Variants in RMST observed in about 807,000 individuals in gnomAD.
RMST encodes the protein long intergenic non-protein coding RNA 54.
chr12:97,468,897 A>G (rs1054853898), intron 5 of RMST, among the ~76,000 whole-genome samples: 2 of 151,960 alleles, frequency 1.3e-5, no homozygotes, highest in African/African-American at 4.8e-5. Flanking sequence ...TGTGCCAGAC[A>G]CTATTCTTGT....
intron 4 of RMST, among the ~76,000 whole-genome samples, chr12:97,464,567 T>C (rs1002536005): frequency 2.0e-5 from 3 of 152,212 alleles, no homozygotes; most frequent in Non-Finnish European, 4.4e-5. Context: ...AATGACTTTT[T>C]CATTGTGGCA....
At chr12:97,495,529 G>C (rs577141021) in intron 9 of RMST, among the ~76,000 whole-genome samples, 2 of 152,200 alleles carry the variant, frequency 1.3e-5, no homozygotes, top group African/African-American at 4.8e-5. Flanking sequence ...TGGAGGCACT[G>C]TCTTCAAGTC....
chr12:97,474,394 T>A (rs1874282225), intron 5 of RMST, among the ~76,000 whole-genome samples: 2 of 152,070 alleles, frequency 1.3e-5, no homozygotes, highest in African/African-American at 4.8e-5. Flanking sequence ...TGCTGTCTGC[T>A]CTGAGCTGTA....
intron 5 of RMST, chr12:97,483,404 G>C (rs949002940): frequency 2.6e-5 from 4 of 152,164 alleles, no homozygotes; most frequent in African/African-American, 7.2e-5. Context: ...CAGCAAGATG[G>C]ATTTACTAGT....
At chr12:97,466,091 G>A (rs1177672462) in intron 5 of RMST, among the ~76,000 whole-genome samples, 1 of 152,094 alleles carries the variant, frequency 6.6e-6, no homozygotes, top group Non-Finnish European at 1.5e-5. Context: ...ATGTCAAAAG[G>A]TCTCTTCTGG....
chr12:97,563,677 G>A lies in RMST; in HGVS notation n.1959-473G>A, dbSNP rs144754434. ...TGGAAGGATAAAATCTTGTTAATTC[G>A]TGATGTCACAATTCAAGTGTGCTTC... On this transcript the variant is annotated intron_variant and non_coding_transcript_variant, in intron 13 of 13. Coordinates refer to ENST00000640149, the Ensembl canonical transcript of RMST. The A allele has an allele frequency of 6.8e-5, 28 of 414,292 alleles. No homozygotes were observed. In the East Asian group the frequency reaches 8.7e-4, roughly 13 times the overall value. 25.7% of individuals were successfully genotyped at this position (414,292 alleles called of 1,614,324 possible).
intron 11 of RMST, among the ~76,000 whole-genome samples, chr12:97,544,096 A>G (rs1429594108): frequency 2.6e-5 from 4 of 152,072 alleles, no homozygotes; most frequent in African/African-American, 9.7e-5. Context: ...AGAGGAGACT[A>G]GAAGACTAAT....
intron 5 of RMST, among the ~76,000 whole-genome samples, chr12:97,479,247 T>G (rs1874932635): frequency 6.8e-6 from 1 of 147,020 alleles, no homozygotes. Flanking sequence ...TCAAGCAATC[T>G]TCCCACCTCA....
chr12:97,539,846 T>C (rs1231310193), intron 11 of RMST, among the ~76,000 whole-genome samples: 1 of 151,556 alleles, frequency 6.6e-6, no homozygotes, highest in Admixed American at 6.6e-5. Flanking sequence ...ATTTTAAGAA[T>C]AAATATAGCT....
At chr12:97,504,286 C>T (rs962862909) in intron 10 of RMST, among the ~76,000 whole-genome samples, 27 of 151,636 alleles carry the variant, frequency 1.8e-4, no homozygotes, top group East Asian at 5.9e-4. Context: ...CGCCTGTAGT[C>T]GCAGATACTT....
intron 10 of RMST, among the ~76,000 whole-genome samples, chr12:97,519,150 A>G (rs916276778): frequency 1.3e-5 from 2 of 152,164 alleles, no homozygotes; most frequent in Admixed American, 1.3e-4. Context: ...GTACATCTTC[A>G]TCACACATTT....
exon 9 of RMST, chr12:97,494,735 A>C (rs1286370111): frequency 6.6e-6 from 1 of 152,040 alleles, no homozygotes; most frequent in Non-Finnish European, 1.5e-5. Context: ...TTTATGCTCT[A>C]ACTTTGGATC....
At chr12:97,544,754 T>C (rs1294432439) in intron 11 of RMST, among the ~76,000 whole-genome samples, 1 of 152,090 alleles carries the variant, frequency 6.6e-6, no homozygotes. Context: ...TATCTCTTTT[T>C]CTCCTGAATT....
At chr12:97,466,022 T>C (rs1445040018) in intron 5 of RMST, among the ~76,000 whole-genome samples, 1 of 152,120 alleles carries the variant, frequency 6.6e-6, no homozygotes, top group African/African-American at 2.4e-5. Flanking sequence ...ATAAAAGTAA[T>C]ATTTATTTTA....
At chr12:97,477,815 T>C (rs1874735225) in intron 5 of RMST, among the ~76,000 whole-genome samples, 1 of 152,252 alleles carries the variant, frequency 6.6e-6, no homozygotes, top group African/African-American at 2.4e-5. Context: ...TGCTTAACTT[T>C]ATATAAAGCT....
intron 11 of RMST, among the ~76,000 whole-genome samples, chr12:97,560,167 A>G (rs142257159): frequency 9.6e-4 from 145 of 151,616 alleles, no homozygotes; most frequent in African/African-American, 3.4e-3. Flanking sequence ...CTGCAGAAAA[A>G]GAAGAAGAAG....
intron 10 of RMST, among the ~76,000 whole-genome samples, chr12:97,507,401 A>G (rs1162377631): frequency 6.6e-6 from 1 of 152,120 alleles, no homozygotes; most frequent in Non-Finnish European, 1.5e-5. Context: ...CCTCCAAAAT[A>G]ATGAGGTAAT....
At chr12:97,534,139 G>A (rs571953425) in intron 11 of RMST, among the ~76,000 whole-genome samples, 3 of 151,854 alleles carry the variant, frequency 2.0e-5, no homozygotes, top group Non-Finnish European at 3.0e-5. Flanking sequence ...ACCATAAATT[G>A]TAAACAAATA....
chr12:97,498,520 T>A (rs1877717673), intron 10 of RMST, among the ~76,000 whole-genome samples: 1 of 152,218 alleles, frequency 6.6e-6, no homozygotes, highest in Non-Finnish European at 1.5e-5. Flanking sequence ...TGATCTTTAA[T>A]ATTGTTGTTA....
Sources: gnomAD v4.1 joint callset for allele counts (sites outside exome capture counted in the v4.1 genomes callset) on GRCh38, gnomAD v4.1.1 for gene constraint, MANE v1.5 for transcripts, NCBI Gene and HGNC (gene_info 2026-07-23, HGNC 2026-07-21) for gene names.